MTOR: variants seen among roughly 807,000 people sequenced by gnomAD.
MTOR encodes the protein mechanistic target of rapamycin kinase, also known as serine/threonine-protein kinase mTOR.
A neutral mutation model predicts 319.8 loss-of-function variants in MTOR; 70 were observed. The observed-to-expected ratio is 0.22, with a 90% confidence interval of 0.18 to 0.27. MTOR has a LOEUF of 0.27. Among genes scored for constraint, MTOR ranks in the 10% least tolerant of loss-of-function variants. The probability of loss-of-function intolerance (pLI) is 1.00; values close to 1 mark genes in which losing one functional copy is unlikely to be tolerated. For synonymous variants in MTOR, 1,183 were observed against 1,211.4 expected (o/e 0.98, Z 0.49); for missense variants, 1,890 against 3,274.4 (o/e 0.58, Z 10.32).
intron 21 of MTOR, 51 bp downstream of exon 21, chr1:11,213,348 G>T (rs767580726): frequency 3.2e-6 from 5 of 1,573,108 alleles, no homozygotes; most frequent in Non-Finnish European, 4.3e-6. Flanking sequence ...ATCACCCAGG[G>T]ACTCAGAGGA....
rs1461332642 is a variant in MTOR, at chr1:11,247,845, C to T, written c.1090G>A (p.Asp364Asn). Residue 364 changes from aspartate to asparagine, a missense_variant, in exon 7 of 58, where the codon GAC becomes AAC. By Grantham distance (23) the Asp-to-Asn change is conservative. Transcript: ENST00000361445. The stretch of plus-strand genomic sequence containing the variant: ...TGATCAAATTTCTCCTCCATCAAGT[C>T]TCTGCAACACCGGCTCTCCACCAGG... The part of the protein sequence containing the change: ...STLVESRCCR[D>N]LMEEKFDQVC... The T allele has an allele frequency of 1.9e-6, 3 of 1,613,788 alleles. No individual in the cohort carries two copies. The highest frequency in any genetic ancestry group is 2.5e-6 in the Non-Finnish European group (3 of 1,179,758).
intron 1 of MTOR, among the ~76,000 whole-genome samples, 173 bp downstream of exon 1, chr1:11,262,272 T>C (rs1651242955): frequency 6.6e-6 from 1 of 151,954 alleles, no homozygotes; most frequent in Non-Finnish European, 1.5e-5. Flanking sequence ...GAGGTGGGCG[T>C]TGCCTCGAGG....
intron 28 of MTOR, among the ~76,000 whole-genome samples, chr1:11,185,804 G>A (rs561030659): frequency 6.6e-6 from 1 of 152,076 alleles, no homozygotes; most frequent in Admixed American, 6.6e-5. Flanking sequence ...ATATGTGGCC[G>A]GGCATGATGA....
chr1:11,230,236 C>A (rs1025425005), intron 18 of MTOR, among the ~76,000 whole-genome samples: 1 of 152,038 alleles, frequency 6.6e-6, no homozygotes, highest in Admixed American at 6.6e-5. Context: ...GCCAGGCCAA[C>A]ATGGCAAAAC....
In MTOR at chr1:11,248,044, G is replaced by C. The variant is rs1649079074; in HGVS notation, c.891C>G (p.Asp297Glu). ...EEITQQQLVH[D>E]KYCKDLMGFG... ...AGCCCATGAGATCTTTGCAGTACTT[G>C]TCGTGTACCAGCTGCTGCTGTGTGA... is the stretch of plus-strand genomic sequence containing the variant. Residue 297 changes from aspartate (D) to glutamate (E), a missense_variant, in exon 7 of 58, where the codon GAC becomes GAG. Physicochemically the swap from Asp to Glu is conservative, Grantham distance 45 (BLOSUM62 2). Transcript: ENST00000361445. The C allele has an allele frequency of 6.2e-7, 1 of 1,613,630 alleles. No individual in the cohort carries two copies. Among genetic ancestry groups the C allele is most frequent in the South Asian group, 1.1e-5 (1 of 91,058 alleles).
At chr1:11,119,092 G>A (rs1642354791) in intron 49 of MTOR, among the ~76,000 whole-genome samples, 1 of 152,036 alleles carries the variant, frequency 6.6e-6, no homozygotes, top group South Asian at 2.1e-4. Context: ...GAAAATATAG[G>A]TAAAAAAATA....
chr1:11,245,264 T>A (rs530778591), intron 8 of MTOR, among the ~76,000 whole-genome samples: 1 of 152,336 alleles, frequency 6.6e-6, no homozygotes, highest in African/African-American at 2.4e-5. Context: ...TTCTTGTCTA[T>A]TTATTTCTTC....
intron 54 of MTOR, chr1:11,111,483 GAAAAAA>G (rs34258245): frequency 2.2e-5 from 3 of 137,282 alleles, no homozygotes; most frequent in East Asian, 2.1e-4. Context: ...TCTGTCTCAA[GAAAAAA>G]AAAAAAAAAA....
rs772052393 is a variant in MTOR at position 11,127,088 on chromosome 1, T to G, written c.6273A>C (p.Ser2091=). The part of the protein sequence containing the change: ...AQEWCRKYMK[S]GNVKDLTQAW... ...CTTGGGTGAGGTCCTTGACATTCCC[T>G]GATTTCATGTACTTCCTGCACCACT... Residue 2091 remains serine, a synonymous_variant, in exon 45 of 58, where the codon TCA becomes TCC. Coordinates refer to ENST00000361445, the MANE Select transcript of MTOR (RefSeq NM_004958.4). The surrounding 1 kb of genome is among the most constrained non-coding windows in gnomAD (Gnocchi z 5.5). 5 of 1,614,222 alleles carry G rather than the reference T, an allele frequency of 3.1e-6. No homozygotes were observed. The highest frequency in any genetic ancestry group is 3.4e-6 in the Non-Finnish European group (4 of 1,180,040).
chr1:11,137,152 T>A (rs1365968621), intron 36 of MTOR, among the ~76,000 whole-genome samples: 49 of 73,326 alleles, frequency 6.7e-4, no homozygotes, highest in Non-Finnish European at 8.1e-4. Flanking sequence ...TAAATCTGAT[T>A]AAAAAAAAAA....
chr1:11,194,855 T>C, intron 28 of MTOR: 1 of 1,613,962 alleles, frequency 6.2e-7, no homozygotes, highest in Non-Finnish European at 8.5e-7. Context: ...TCATGCCAGG[T>C]GGCTACTGGT....
chr1:11,118,288 G>A (rs1279454851), intron 49 of MTOR, among the ~76,000 whole-genome samples: 2 of 132,000 alleles, frequency 1.5e-5, no homozygotes, highest in African/African-American at 2.9e-5. Context: ...CCAGGCTGGA[G>A]TGCAATGGCA....
Position 11,247,916 on chromosome 1 carries a change from T to C in MTOR, c.1019A>G (p.Gln340Arg), listed in dbSNP as rs1649062802. The change falls in exon 7 of 58, where the codon CAA (glutamine) becomes CGA (arginine). Residue 340 changes from glutamine to arginine, a missense_variant. Around this residue, in one of 15 missense-constraint regions of MTOR, gnomAD observed 418 missense variants for 543.1 expected, o/e 0.77. Coordinates refer to ENST00000361445, the MANE Select transcript of MTOR (RefSeq NM_004958.4). Reference protein sequence around the residue: ...LVGLLGYSSHQGLMGFGTSPS... With the variant: ...LVGLLGYSSHRGLMGFGTSPS... ...GGAGGTCCCAAATCCCATGAGGCCT[T>C]GGTGAGAGCTGTACCCCAGCAGCCC... is the stretch of plus-strand genomic sequence containing the variant. The C allele has an allele frequency of 6.2e-7, 1 of 1,614,056 alleles. No individual in the cohort carries two copies. The highest frequency in any genetic ancestry group is 1.3e-5 in the African/African-American group (1 of 74,998).
At chr1:11,244,979 C>T (rs929660038) in intron 8 of MTOR, among the ~76,000 whole-genome samples, 1 of 152,182 alleles carries the variant, frequency 6.6e-6, no homozygotes, top group African/African-American at 2.4e-5. Flanking sequence ...CAGAATGTAT[C>T]CCCATCGTTA....
intron 30 of MTOR, among the ~76,000 whole-genome samples, chr1:11,156,380 T>G (rs1644319659): frequency 6.6e-6 from 1 of 152,224 alleles, no homozygotes; most frequent in Non-Finnish European, 1.5e-5. Flanking sequence ...GCACTTGTTG[T>G]TGGAAACAGA....
intron 31 of MTOR, among the ~76,000 whole-genome samples, chr1:11,148,144 T>C (rs929524021): frequency 1.3e-5 from 2 of 151,942 alleles, no homozygotes; most frequent in African/African-American, 2.4e-5. Flanking sequence ...GATAAAAACA[T>C]GACATGGGGA....
At chr1:11,145,801 G>T (rs546074480) in intron 32 of MTOR, among the ~76,000 whole-genome samples, 203 of 152,156 alleles carry the variant, frequency 1.3e-3, no homozygotes, top group African/African-American at 4.7e-3. Context: ...ACTGTGCCCA[G>T]CCTGGGGATC....
intron 28 of MTOR, among the ~76,000 whole-genome samples, chr1:11,184,912 A>G (rs993957160): frequency 1.3e-5 from 2 of 152,064 alleles, no homozygotes; most frequent in Non-Finnish European, 2.9e-5. Context: ...CCACCTCTCC[A>G]GCTTTAGCTT....
chr1:11,135,652 G>A (rs1367999967), intron 36 of MTOR, among the ~76,000 whole-genome samples: 1 of 151,888 alleles, frequency 6.6e-6, no homozygotes, highest in Non-Finnish European at 1.5e-5. Context: ...TGGCCAACAT[G>A]GTGAAACCTG....
Sources: allele counts gnomAD v4.1 joint callset (sites outside exome capture counted in the v4.1 genomes callset), GRCh38; gene constraint gnomAD v4.1.1; regional missense constraint gnomAD v4.1.1; non-coding constraint Gnocchi (gnomAD v3.1); transcripts MANE v1.5; gene names NCBI Gene and HGNC (gene_info 2026-07-23, HGNC 2026-07-21).